Variants in ARHGAP32 observed in about 807,000 individuals in gnomAD.
ARHGAP32 encodes Rho GTPase activating protein 32, also known as rho GTPase-activating protein 32.
ARHGAP32 carries 51 observed loss-of-function variants against 186.5 expected under a neutral mutation model. The observed-to-expected ratio is 0.27, with a 90% CI of 0.22 to 0.35. The LOEUF is 0.35. Among genes scored for constraint, ARHGAP32 ranks in the 10% least tolerant of loss-of-function variants. ARHGAP32 has a pLI of 1.00. For synonymous variants in ARHGAP32, 950 were observed against 964.3 expected (o/e 0.99, Z 0.27); for missense variants, 2,186 against 2,623.5 (o/e 0.83, Z 3.64).
chr11:129,212,767 C>T lies in ARHGAP32; in HGVS notation c.-4-48340G>A, dbSNP rs574884000. Among the ~76,000 whole-genome samples the T allele has an allele frequency of 4.5e-3, 682 of 152,112 alleles. 8 individuals carry two copies. The highest frequency in any genetic ancestry group is 0.016 in the African/African-American group (649 of 41,514). ...GTTGTGTACTTAAATATTTGTGATC[C>T]AATTTGATCATTAAACATTGTATGC... On this transcript the variant is annotated intron_variant, in intron 1 of 6. Transcript: ENST00000525234.
chr11:129,276,604 C>G (rs1165435594), intron 1 of ARHGAP32, among the ~76,000 whole-genome samples: 2 of 152,156 alleles, frequency 1.3e-5, no homozygotes, highest in Admixed American at 6.5e-5. Context: ...CCCTGCCCAG[C>G]CTTTATATGC....
chr11:128,967,667 A>G lies in ARHGAP32; in HGVS notation c.*1240T>C, dbSNP rs1945250288. On this transcript the variant is annotated 3_prime_UTR_variant, in exon 23 of 23. Transcript: ENST00000682385. ...AATGCTGGTGTAGATGGTAATTACA[A>G]GAAGACTGTGACCACACAAGTATAG... The G allele has an allele frequency of 6.6e-6, 1 of 151,996 alleles. No individual in the cohort carries two copies. Among genetic ancestry groups the G allele is most frequent in the African/African-American group, 2.4e-5 (1 of 41,360 alleles). 9.4% of individuals were successfully genotyped at this position (151,996 alleles called of 1,614,324 possible). A position where few individuals can be genotyped will look rare whatever the true frequency, so the allele number is the denominator to read the frequency against.
At chr11:129,196,655 A>G (rs1383735427), upstream of ARHGAP32, among the ~76,000 whole-genome samples, 2 of 152,162 alleles carry the variant, frequency 1.3e-5, no homozygotes, top group East Asian at 3.8e-4. Flanking sequence ...CGAATTATAT[A>G]ATTCTCCCAA....
At chr11:129,006,002 T>C (rs970815502) in intron 11 of ARHGAP32, among the ~76,000 whole-genome samples, 3 of 152,144 alleles carry the variant, frequency 2.0e-5, no homozygotes, top group African/African-American at 7.2e-5. Context: ...CTTGATCAAT[T>C]CTGCTATTAA....
At chr11:129,169,786 C>G (rs1042603016) in intron 1 of ARHGAP32, among the ~76,000 whole-genome samples, 1 of 152,080 alleles carries the variant, frequency 6.6e-6, no homozygotes, top group African/African-American at 2.4e-5. Flanking sequence ...AGTCCTACAG[C>G]TATTAAACAA....
At chr11:129,032,680 A>G (rs1939165813) in intron 11 of ARHGAP32, among the ~76,000 whole-genome samples, 1 of 152,258 alleles carries the variant, frequency 6.6e-6, no homozygotes, top group African/African-American at 2.4e-5. Context: ...ATGATTTCCA[A>G]CATTTGTGTA....
chr11:129,169,953 G>A (rs1943723665), intron 1 of ARHGAP32, among the ~76,000 whole-genome samples: 1 of 152,024 alleles, frequency 6.6e-6, no homozygotes, highest in Non-Finnish European at 1.5e-5. Flanking sequence ...CCAGAGTTTA[G>A]AGCAAAAGCT....
chr11:129,178,804 A>G (rs1178911180), intron 1 of ARHGAP32, among the ~76,000 whole-genome samples: 1 of 150,678 alleles, frequency 6.6e-6, no homozygotes, highest in Non-Finnish European at 1.5e-5. Context: ...AAGATGGATT[A>G]AAGACTTAAA....
At position 129,237,733 on chromosome 11, in the gene ARHGAP32, A is replaced by C. The variant is rs577940699; in HGVS notation, c.-5+41413T>G. 2.0e-3 allele frequency among the ~76,000 whole-genome samples: 308 copies of C among 152,332 alleles called. 3 individuals are homozygous for C. Among genetic ancestry groups the C allele is most frequent in the African/African-American group, 7.1e-3 (294 of 41,574 alleles). On this transcript the variant is annotated intron_variant, in intron 1 of 6. Coordinates refer to the ARHGAP32 transcript ENST00000525234. ...GAAAAGGCTCCAGAAATAGGGCCAA[A>C]CCAGGCAGGGCTTTCCAAGCTATGC...
intron 11 of ARHGAP32, among the ~76,000 whole-genome samples, chr11:129,014,990 T>C (rs1422491717): frequency 2.6e-5 from 4 of 152,160 alleles, no homozygotes; most frequent in Non-Finnish European, 4.4e-5. Context: ...AGCACGACAA[T>C]ATATCTATTC....
intron 1 of ARHGAP32, among the ~76,000 whole-genome samples, chr11:129,227,950 T>C (rs1022406552): frequency 1.3e-5 from 2 of 152,146 alleles, no homozygotes; most frequent in African/African-American, 2.4e-5. Flanking sequence ...CAAGTGCACA[T>C]GGAACATTTT....
chr11:128,989,833 A>T (rs1282947910), intron 12 of ARHGAP32, among the ~76,000 whole-genome samples: 2 of 151,406 alleles, frequency 1.3e-5, no homozygotes, highest in Non-Finnish European at 2.9e-5. Context: ...TTCTTGTGAT[A>T]GTTTGCTGAG....
chr11:129,168,340 T>C (rs1445489685), intron 1 of ARHGAP32, among the ~76,000 whole-genome samples: 1 of 152,184 alleles, frequency 6.6e-6, no homozygotes, highest in East Asian at 1.9e-4. Context: ...ACTGATACCA[T>C]GTAAACACTA....
chr11:129,161,791 A>T (rs950484905), intron 2 of ARHGAP32, among the ~76,000 whole-genome samples: 2 of 152,228 alleles, frequency 1.3e-5, no homozygotes, highest in African/African-American at 4.8e-5. Flanking sequence ...CAATCCCATT[A>T]CTAGGTATAT....
rs377418702 is a variant in ARHGAP32 at position 128,969,206 on chromosome 11, G to C, written c.6007C>G (p.Leu2003Val). The C allele has an allele frequency of 6.2e-7, 1 of 1,614,038 alleles. No individual in the cohort carries two copies. Among genetic ancestry groups the C allele is most frequent in the Non-Finnish European group, 8.5e-7 (1 of 1,179,938 alleles). ...ACGTTCTGGGTATGATGGAGTTTGA[G>C]GCTATGACTCCTCTCTGGTTTAGGG... ...PPPKPERSHS[L>V]KLHHTQNVER... Residue 2003 changes from leucine (L) to valine (V), a missense_variant, in exon 23 of 23, where the codon CTC becomes GTC. By Grantham distance (32) the Leu-to-Val change is conservative. Transcript: ENST00000682385. The surrounding 1 kb of genome is among the most constrained non-coding windows in gnomAD (Gnocchi z 4.8).
intron 1 of ARHGAP32, among the ~76,000 whole-genome samples, chr11:129,259,528 C>G (rs762333046): frequency 1.1e-4 from 16 of 150,638 alleles, no homozygotes; most frequent in Admixed American, 2.0e-4. Context: ...TTGACAAATA[C>G]AGGTTTCACT....
At chr11:129,060,844 G>A (rs984426613) in intron 10 of ARHGAP32, among the ~76,000 whole-genome samples, 5 of 151,820 alleles carry the variant, frequency 3.3e-5, no homozygotes, top group African/African-American at 1.2e-4. Context: ...GGTCTAATAA[G>A]CATGTTCTAT....
chr11:129,253,337 T>C (rs1019439843), intron 1 of ARHGAP32, among the ~76,000 whole-genome samples: 3 of 152,164 alleles, frequency 2.0e-5, no homozygotes, highest in South Asian at 2.1e-4. Context: ...TCTCACTATT[T>C]TTCAATCCTA....
intron 1 of ARHGAP32, among the ~76,000 whole-genome samples, chr11:129,182,837 G>A (rs963278389): frequency 2.6e-5 from 4 of 151,620 alleles, no homozygotes; most frequent in Admixed American, 6.6e-5. Context: ...TTGTAGTGAC[G>A]GGGTCTTGCT....
Sources: gnomAD v4.1 joint callset for allele counts (sites outside exome capture counted in the v4.1 genomes callset) on GRCh38, gnomAD v4.1.1 for gene constraint, Gnocchi (gnomAD v3.1) non-coding constraint, MANE v1.5 for transcripts, NCBI Gene and HGNC (gene_info 2026-07-23, HGNC 2026-07-21) for gene names.